The following NTM variants were observed in gnomAD, a reference collection of about 807,000 sequenced individuals.
The protein encoded by NTM is neurotrimin.
Under a neutral mutation model 42.1 loss-of-function variants are expected in NTM, and 13 were observed. That is an observed-to-expected ratio of 0.31 (90% CI 0.20 to 0.49). NTM has a LOEUF of 0.49. NTM is among the 20% of genes least tolerant of loss of function. The pLI, the probability that NTM is intolerant of heterozygous loss-of-function variation, is 0.99. For synonymous variants in NTM, 187 were observed against 179.2 expected (o/e 1.04, Z -0.35); for missense variants, 373 against 452.8 (o/e 0.82, Z 1.60).
At chr11:132,219,453 T>C (rs1432618903) in intron 4 of NTM, among the ~76,000 whole-genome samples, 2 of 152,154 alleles carry the variant, frequency 1.3e-5, no homozygotes, top group Non-Finnish European at 2.9e-5. Flanking sequence ...AAGTATCTGA[T>C]ACTGTAGATG....
At chr11:131,456,049 T>C (rs1263433502) in intron 1 of NTM, among the ~76,000 whole-genome samples, 1 of 152,182 alleles carries the variant, frequency 6.6e-6, no homozygotes, top group African/African-American at 2.4e-5. Flanking sequence ...TTGCAAATTT[T>C]GTGTGTGTGA....
At chr11:131,816,547 G>GAA (rs34057469) in intron 1 of NTM, among the ~76,000 whole-genome samples, 3 of 139,936 alleles carry the variant, frequency 2.1e-5, no homozygotes, top group South Asian at 2.2e-4. Context: ...ATTAAAGCAA[G>GAA]AAAAAAAAAA....
chr11:131,496,430 A>G (rs1955350588), intron 1 of NTM, among the ~76,000 whole-genome samples: 1 of 152,254 alleles, frequency 6.6e-6, no homozygotes, highest in South Asian at 2.1e-4. Context: ...CCTTTGTGAT[A>G]GCACTCAGCG....
At chr11:131,526,419 TG>T (rs1240392952) in intron 1 of NTM, among the ~76,000 whole-genome samples, 1 of 152,220 alleles carries the variant, frequency 6.6e-6, no homozygotes, top group Non-Finnish European at 1.5e-5. Context: ...GCATCTCCAA[TG>T]TCCGCTTGGA....
At chr11:131,671,201 T>C (rs2070155212) in intron 1 of NTM, among the ~76,000 whole-genome samples, 1 of 152,118 alleles carries the variant, frequency 6.6e-6, no homozygotes, top group African/African-American at 2.4e-5. Context: ...AGGTCTGCAC[T>C]CAGCAACTTT....
At chr11:131,873,764 C>T (rs1041296143) in intron 1 of NTM, among the ~76,000 whole-genome samples, 1 of 142,500 alleles carries the variant, frequency 7.0e-6, no homozygotes, top group African/African-American at 2.6e-5. Context: ...ATCAGAATGG[C>T]GATCATTAAA....
chr11:132,041,210 TGAGAGA>T (rs1198458029), intron 2 of NTM, among the ~76,000 whole-genome samples: 1 of 114,466 alleles, frequency 8.7e-6, no homozygotes, highest in East Asian at 2.8e-4. Context: ...TGTGTGTGTG[TGAGAGA>T]GAGAGAGAGA....
At chr11:131,603,880 G>T (rs141538572) in intron 1 of NTM, among the ~76,000 whole-genome samples, 86 of 152,094 alleles carry the variant, frequency 5.7e-4, no homozygotes, top group African/African-American at 2.0e-3. Flanking sequence ...TTCTTTTTAT[G>T]GTCAAATAAT....
chr11:131,507,909 T>C (rs1243122381), intron 1 of NTM, among the ~76,000 whole-genome samples: 1 of 152,212 alleles, frequency 6.6e-6, no homozygotes, highest in Non-Finnish European at 1.5e-5. Flanking sequence ...ATTGATTTTG[T>C]TAGACCTAAA....
At chr11:132,121,907 G>A (rs1300803918) in intron 2 of NTM, among the ~76,000 whole-genome samples, 10 of 152,196 alleles carry the variant, frequency 6.6e-5, no homozygotes, top group Admixed American at 6.5e-4. Context: ...TCCATTTTAT[G>A]CATGTGCATT....
At chr11:131,571,626 T>C (rs2057447373) in intron 1 of NTM, among the ~76,000 whole-genome samples, 1 of 152,222 alleles carries the variant, frequency 6.6e-6, no homozygotes, top group Non-Finnish European at 1.5e-5. Flanking sequence ...AGAAGAATGC[T>C]GAGCTGGAAA....
intron 2 of NTM, among the ~76,000 whole-genome samples, chr11:131,980,129 A>G (rs2065021930): frequency 6.6e-6 from 1 of 152,240 alleles, no homozygotes; most frequent in African/African-American, 2.4e-5. Flanking sequence ...ATGGATGTCA[A>G]AGGAAAATTC....
chr11:132,121,475 A>C (rs2136931301), intron 2 of NTM, among the ~76,000 whole-genome samples: 1 of 152,292 alleles, frequency 6.6e-6, no homozygotes, highest in South Asian at 2.1e-4. Context: ...AAAATGCCCC[A>C]GCTCCATTTA....
At position 131,766,537 on chromosome 11, in the gene NTM, C is replaced by T. The variant is rs192732258; in HGVS notation, c.83-145027C>T. Among the ~76,000 whole-genome samples, 92 of 152,018 alleles carry T rather than the reference C, an allele frequency of 6.1e-4. No homozygotes were observed. The South Asian group carries it at 7.9e-3, about 13-fold the overall frequency. On this transcript the variant is annotated intron_variant, in intron 1 of 8. Transcript: ENST00000683400. ...GTATTTGAGCAGGAACTCTGGGGCT[C>T]ATTCATAACACTGACATTTCCAGGG...
chr11:132,137,955 A>G (rs1477544164), intron 2 of NTM, among the ~76,000 whole-genome samples: 2 of 152,034 alleles, frequency 1.3e-5, no homozygotes, highest in East Asian at 1.9e-4. Context: ...TCTTCTACCC[A>G]TGCCTTCTAT....
At chr11:131,500,990 A>T (rs2046748723) in intron 1 of NTM, among the ~76,000 whole-genome samples, 1 of 151,732 alleles carries the variant, frequency 6.6e-6, no homozygotes, top group Admixed American at 6.6e-5. Flanking sequence ...GGATTAAGAA[A>T]ATGTGACCCT....
intron 8 of NTM, among the ~76,000 whole-genome samples, chr11:132,334,224 T>C (rs2095848629): frequency 6.6e-6 from 1 of 152,216 alleles, no homozygotes; most frequent in African/African-American, 2.4e-5. Flanking sequence ...TTCAGAACAA[T>C]AGGGAAGCTG....
In NTM at chr11:132,018,464, GTTTTTC is replaced by G. The variant is rs532923869; in HGVS notation, c.167+106820_167+106825del. 4.2e-3 allele frequency among the ~76,000 whole-genome samples: 634 copies of G among 151,872 alleles called. 10 individuals are homozygous for G. The highest frequency in any genetic ancestry group is 0.015 in the African/African-American group (612 of 41,472). Reference sequence around the variant, plus strand: ...GAATGTGTGCTAAATTTTTAAAAATGTTTTTCTTTGTCTTTTGAGATGATCATGTGG... The same window carrying G: ...GAATGTGTGCTAAATTTTTAAAAATGTTTGTCTTTTGAGATGATCATGTGG... On this transcript the variant is annotated intron_variant, in intron 2 of 8. Transcript: ENST00000683400.
At chr11:131,597,858 G>T (rs2059949332) in intron 1 of NTM, among the ~76,000 whole-genome samples, 1 of 123,448 alleles carries the variant, frequency 8.1e-6, no homozygotes, top group African/African-American at 4.8e-5. Flanking sequence ...AGTTCACCCA[G>T]AAGAATTCAA....
Sources: allele counts gnomAD v4.1 joint callset (sites outside exome capture counted in the v4.1 genomes callset), GRCh38; gene constraint gnomAD v4.1.1; transcripts MANE v1.5; gene names NCBI Gene and HGNC (gene_info 2026-07-23, HGNC 2026-07-21).